Variants in ARHGEF10 observed in about 807,000 individuals in gnomAD.
ARHGEF10 encodes Rho guanine nucleotide exchange factor 10.
A neutral mutation model predicts 147.4 loss-of-function variants in ARHGEF10; 140 were observed. The observed-to-expected ratio is 0.95, with a 90% CI of 0.83 to 1.09. The LOEUF (loss-of-function observed/expected upper bound fraction) is 1.09, where lower values mean the gene tolerates loss of function less well. Among genes scored for constraint, ARHGEF10 ranks in the 50% least tolerant of loss-of-function variants. ARHGEF10 has a pLI of 0.00. For missense variants in ARHGEF10, 2,222 were observed against 1,752.7 expected (o/e 1.27, Z -4.78); for synonymous variants, 902 against 695.8 (o/e 1.30, Z -4.67).
At chr8:1,943,392 T>C (rs1814267870) in intron 26 of ARHGEF10, among the ~76,000 whole-genome samples, 1 of 151,822 alleles carries the variant, frequency 6.6e-6, no homozygotes, top group African/African-American at 2.4e-5. Context: ...AGGTTGGAGG[T>C]GGAGTGTCAG....
chr8:1,936,459 A>T (rs1049082592), intron 26 of ARHGEF10, among the ~76,000 whole-genome samples: 1 of 152,198 alleles, frequency 6.6e-6, no homozygotes, highest in Non-Finnish European at 1.5e-5. Context: ...GCAGTGAGCC[A>T]AGATCGCACT....
chr8:1,917,005 C>T (rs1371461935), intron 18 of ARHGEF10, among the ~76,000 whole-genome samples: 4 of 152,206 alleles, frequency 2.6e-5, no homozygotes, highest in South Asian at 2.1e-4. Context: ...AATTCTGAAT[C>T]GAAGTCATTT....
At chr8:1,930,151 G>A (rs1487697939) in intron 25 of ARHGEF10, among the ~76,000 whole-genome samples, 1 of 151,902 alleles carries the variant, frequency 6.6e-6, no homozygotes, top group Non-Finnish European at 1.5e-5. Context: ...CTGAGCGCAG[G>A]GGTGCCGAGC....
chr8:1,931,566 A>C (rs775631047), intron 25 of ARHGEF10, among the ~76,000 whole-genome samples: 47 of 151,476 alleles, frequency 3.1e-4, no homozygotes, highest in Admixed American at 3.9e-4. Context: ...GGAGCGTGCG[A>C]GGCAGCCTGC....
intron 13 of ARHGEF10, among the ~76,000 whole-genome samples, chr8:1,895,097 G>C (rs1018793455): frequency 1.3e-5 from 2 of 152,156 alleles, no homozygotes; most frequent in Non-Finnish European, 2.9e-5. Flanking sequence ...ACAGGCTTTC[G>C]GCCCTATGCT....
At chr8:1,892,253 G>A (rs1415841483) in intron 11 of ARHGEF10, among the ~76,000 whole-genome samples, 5 of 148,466 alleles carry the variant, frequency 3.4e-5, no homozygotes, top group Non-Finnish European at 7.4e-5. Context: ...AGTAGCAGCA[G>A]CTGCAGCTTC....
chr8:1,950,639 TCTC>T (rs1165209843), intron 27 of ARHGEF10, among the ~76,000 whole-genome samples: 5 of 151,780 alleles, frequency 3.3e-5, no homozygotes, highest in Non-Finnish European at 5.9e-5. Flanking sequence ...TTCAAGCAAT[TCTC>T]CTGCCTCAGC....
At position 1,843,390 on chromosome 8, in the gene ARHGEF10, G is replaced by C; in HGVS notation, c.-10G>C. 2 of 1,613,134 alleles carry C rather than the reference G, an allele frequency of 1.2e-6. No homozygotes were observed. Among genetic ancestry groups the C allele is most frequent in the Non-Finnish European group, 1.7e-6 (2 of 1,179,980 alleles). ...TTAACAGAGCTGAGAGAGGCATCTGGAGCTGCAGCATGGACCAGCGAGAGC... is the reference window on the plus strand; with the variant it reads ...TTAACAGAGCTGAGAGAGGCATCTGCAGCTGCAGCATGGACCAGCGAGAGC... On this transcript the variant is annotated 5_prime_UTR_variant, in exon 2 of 29. Transcript: ENST00000349830.
chr8:1,926,715 C>A, intron 23 of ARHGEF10: 1 of 557,758 alleles, frequency 1.8e-6, no homozygotes, highest in Non-Finnish European at 3.2e-6. Context: ...AAGTTGAGTC[C>A]AGAGACAACT....
chr8:1,904,519 T>C (rs1423425883), intron 16 of ARHGEF10, among the ~76,000 whole-genome samples: 1 of 152,254 alleles, frequency 6.6e-6, no homozygotes, highest in African/African-American at 2.4e-5. Flanking sequence ...GGAACGTTTA[T>C]AAGCAGCAAA....
At chr8:1,944,129 T>C (rs371453712) in intron 26 of ARHGEF10, among the ~76,000 whole-genome samples, 68 of 32,174 alleles carry the variant, frequency 2.1e-3, no homozygotes, top group South Asian at 8.3e-3. Context: ...TCCCCCAGGA[T>C]CCCAGCCTCC....
chr8:1,880,809 T>C (rs1238516337), intron 9 of ARHGEF10, among the ~76,000 whole-genome samples: 1 of 152,180 alleles, frequency 6.6e-6, no homozygotes, highest in African/African-American at 2.4e-5. Context: ...TTGTGATCAT[T>C]CATATGTGTT....
chr8:1,886,625 C>T (rs1808680944), intron 11 of ARHGEF10, among the ~76,000 whole-genome samples: 1 of 152,210 alleles, frequency 6.6e-6, no homozygotes, highest in African/African-American at 2.4e-5. Flanking sequence ...GATGGAGTGT[C>T]AACAGAGCTT....
At chr8:1,947,520 C>A (rs185249289) in intron 27 of ARHGEF10, among the ~76,000 whole-genome samples, 143 of 152,166 alleles carry the variant, frequency 9.4e-4, no homozygotes, top group Non-Finnish European at 1.7e-3. Context: ...ATAAAATAAC[C>A]CTTGCACACG....
At chr8:1,864,510 T>C (rs2129083976) in intron 5 of ARHGEF10, 74 bp downstream of exon 5, 1 of 1,455,192 alleles carries the variant, frequency 6.9e-7, no homozygotes, top group Non-Finnish European at 9.7e-7. Context: ...GGGATCCTGG[T>C]GTGTGTCCCT....
rs1448908357 is a variant in ARHGEF10, at chr8:1,905,582, T to C, written c.1833T>C (p.Ser611=). 6.2e-7 allele frequency: 1 copy of C among 1,614,192 alleles called. No individual in the cohort carries two copies. Among genetic ancestry groups the C allele is most frequent in the Non-Finnish European group, 8.5e-7 (1 of 1,180,042 alleles). ...TTTTGAATGTCCAGCTTCTCAGCAG[T>C]GGAAGCCGATACCTCATTCGATCAG... ...NERYLNKLLS[S]GSRYLIRSDD... Residue 611 remains serine, a synonymous_variant, in exon 17 of 29, where the codon AGT becomes AGC. Coordinates refer to ENST00000349830, the MANE Select transcript of ARHGEF10 (RefSeq NM_014629.4).
In ARHGEF10 at chr8:1,933,932, A is replaced by G; in HGVS notation, c.3212A>G (p.His1071Arg). Reference protein sequence around the residue: ...GQVFIISVETHAVEGQLEAHQ... With the variant: ...GQVFIISVETRAVEGQLEAHQ... Reference sequence around the variant, plus strand: ...GTCTTCATCATCAGTGTGGAGACTCATGCTGTAGAGGTAAGTCACTTAGGT... The same window carrying G: ...GTCTTCATCATCAGTGTGGAGACTCGTGCTGTAGAGGTAAGTCACTTAGGT... Residue 1071 changes from histidine (H) to arginine (R), a missense_variant, in exon 26 of 29, where the codon CAT (histidine) becomes CGT (arginine). Physicochemically the swap from His to Arg is conservative, Grantham distance 29. Coordinates refer to ENST00000349830, the MANE Select transcript of ARHGEF10 (RefSeq NM_014629.4). The G allele has an allele frequency of 1.2e-6, 2 of 1,614,184 alleles. No individual in the cohort carries two copies. Among genetic ancestry groups the G allele is most frequent in the Non-Finnish European group, 1.7e-6 (2 of 1,180,024 alleles).
intron 8 of ARHGEF10, among the ~76,000 whole-genome samples, chr8:1,879,364 C>G (rs1398911547): frequency 6.6e-6 from 1 of 152,004 alleles, no homozygotes; most frequent in Admixed American, 6.6e-5. Flanking sequence ...GCTTGGATGC[C>G]AACATAAAAA....
intron 18 of ARHGEF10, among the ~76,000 whole-genome samples, chr8:1,916,776 C>G (rs1472409697): frequency 6.6e-6 from 1 of 152,188 alleles, no homozygotes; most frequent in Admixed American, 6.5e-5. Flanking sequence ...CCCTCTTTCT[C>G]CTGGGAATTA....
Sources: gnomAD v4.1 joint callset for allele counts (sites outside exome capture counted in the v4.1 genomes callset) on GRCh38, gnomAD v4.1.1 for gene constraint, MANE v1.5 for transcripts, NCBI Gene and HGNC (gene_info 2026-07-23, HGNC 2026-07-21) for gene names.